Variants in PCDHGA9 observed in about 807,000 individuals in gnomAD.
PCDHGA9 encodes protocadherin gamma subfamily A, 9.
Under a neutral mutation model 62.5 loss-of-function variants are expected in PCDHGA9, and 37 were observed. That is an observed-to-expected ratio of 0.59 (90% CI 0.46 to 0.78). The LOEUF (loss-of-function observed/expected upper bound fraction) is 0.78, where lower values mean the gene tolerates loss of function less well. PCDHGA9 is among the 30% of genes least tolerant of loss of function. The pLI is 0.00. For synonymous variants in PCDHGA9, 459 were observed against 484.6 expected (o/e 0.95, Z 0.69); for missense variants, 1,138 against 1,166.2 (o/e 0.98, Z 0.35).
chr5:141,456,641 G>A (rs2098873674), intron 1 of PCDHGA9, among the ~76,000 whole-genome samples: 1 of 152,160 alleles, frequency 6.6e-6, no homozygotes, highest in South Asian at 2.1e-4. Context: ...TACTACAGGT[G>A]TTAATCCCAA....
chr5:141,433,358 C>CCCATCTAT (rs1554125967), intron 1 of PCDHGA9: 6 of 503,934 alleles, frequency 1.2e-5, no homozygotes, highest in Admixed American at 3.6e-5. Context: ...CTACTGTCTG[C>CCCATCTAT]CTATCTATCT....
chr5:141,427,425 AC>A (rs1184817093), intron 1 of PCDHGA9: 2 of 469,034 alleles, frequency 4.3e-6, no homozygotes, highest in Non-Finnish European at 8.5e-6. Flanking sequence ...TGGGGAGGTT[AC>A]ATGCCTCATA....
rs781433913 is a variant in PCDHGA9, at chr5:141,404,142, C to CAGA, written c.1197_1199dup (p.Glu399dup). Reference sequence around the variant, plus strand: ...AATCTATCTTTTACATTAGAAAATTCAGAAGAAGATTATTACAGATTGTTG... The same window carrying CAGA: ...AATCTATCTTTTACATTAGAAAATTCAGAAGAAGAAGATTATTACAGATTGTTG... On this transcript the variant is annotated inframe_insertion, in exon 1 of 4. Coordinates refer to ENST00000573521, the MANE Select transcript of PCDHGA9 (RefSeq NM_018921.3). 5.6e-6 allele frequency: 9 copies of CAGA among 1,612,668 alleles called. No individual in the cohort carries two copies. The highest frequency in any genetic ancestry group is 6.8e-6 in the Non-Finnish European group (8 of 1,179,264).
chr5:141,494,386 T>G (rs2099753905), intron 1 of PCDHGA9, among the ~76,000 whole-genome samples: 1 of 152,198 alleles, frequency 6.6e-6, no homozygotes, highest in African/African-American at 2.4e-5. Context: ...GCTGAGGAGT[T>G]GAATAAATTC....
At chr5:141,461,007 A>G (rs965754689) in intron 1 of PCDHGA9, among the ~76,000 whole-genome samples, 1 of 151,418 alleles carries the variant, frequency 6.6e-6, no homozygotes, top group Non-Finnish European at 1.5e-5. Flanking sequence ...GTGTATATAT[A>G]TATACCACAT....
At chr5:141,506,955 C>G (rs1387377785) in intron 3 of PCDHGA9, 1 of 152,244 alleles carries the variant, frequency 6.6e-6, no homozygotes, top group Non-Finnish European at 1.5e-5. Context: ...AATGAATCCT[C>G]TCAATAGCTC....
chr5:141,461,591 C>T (rs1368759571), intron 1 of PCDHGA9, among the ~76,000 whole-genome samples: 1 of 152,088 alleles, frequency 6.6e-6, no homozygotes, highest in Non-Finnish European at 1.5e-5. Flanking sequence ...GTTATATTTC[C>T]ATTATAATTT....
chr5:141,443,848 G>A lies in PCDHGA9; in HGVS notation c.2424+38472G>A, dbSNP rs528933391. 2.6e-5 allele frequency among the ~76,000 whole-genome samples: 4 copies of A among 152,272 alleles called. No individual in the cohort carries two copies. The South Asian group carries it at 8.3e-4, about 32-fold the overall frequency. ...TTAGGTAAAATGGGTAATATGGAAA[G>A]TCTGAAAACTGAAAAAATTACTGAT... On this transcript the variant is annotated intron_variant, in intron 1 of 3. Transcript: ENST00000573521.
Position 141,402,999 on chromosome 5 carries a change from T to TATG in PCDHGA9, c.48_50dup (p.Leu16_Cys17insTer). ...CAGCTCCGCGGAAGATTAGTCCTGC[T>TATG]ATGCTCGCTCCTGGGGATGCTATGG... On this transcript the variant is annotated stop_gained and inframe_insertion, in exon 1 of 4. Coordinates refer to ENST00000573521, the MANE Select transcript of PCDHGA9 (RefSeq NM_018921.3). LOFTEE classifies it high-confidence loss of function. 1 of 1,613,984 alleles carries TATG rather than the reference T, an allele frequency of 6.2e-7. No individual in the cohort carries two copies. The highest frequency in any genetic ancestry group is 8.5e-7 in the Non-Finnish European group (1 of 1,179,874).
At chr5:141,444,471 G>A (rs929365899) in intron 1 of PCDHGA9, among the ~76,000 whole-genome samples, 1 of 151,876 alleles carries the variant, frequency 6.6e-6, no homozygotes, top group Non-Finnish European at 1.5e-5. Flanking sequence ...GCGCCCGGTC[G>A]CGTACTGGAT....
chr5:141,468,920 A>G (rs2099185605), intron 1 of PCDHGA9, among the ~76,000 whole-genome samples: 1 of 151,612 alleles, frequency 6.6e-6, no homozygotes, highest in South Asian at 2.1e-4. Context: ...AGAAGAGAAT[A>G]GCACTAAAAT....
chr5:141,439,056 T>C (rs2098084461), intron 1 of PCDHGA9, among the ~76,000 whole-genome samples: 1 of 151,260 alleles, frequency 6.6e-6, no homozygotes, highest in Non-Finnish European at 1.5e-5. Flanking sequence ...TTCCATATTG[T>C]GTGGCAGGCG....
rs2094445702 is a variant in PCDHGA9 at position 141,403,713 on chromosome 5, A to G, written c.761A>G (p.Asn254Ser). 2.5e-6 allele frequency: 4 copies of G among 1,613,946 alleles called. No homozygotes were observed. The highest frequency in any genetic ancestry group is 2.5e-6 in the Non-Finnish European group (3 of 1,179,892). The change falls in exon 1 of 4, where the codon AAC becomes AGC. Residue 254 changes from asparagine (N) to serine (S), a missense_variant. Coordinates refer to ENST00000573521, the MANE Select transcript of PCDHGA9 (RefSeq NM_018921.3). ...QRIYRVKVLE[N>S]VPPGTWLLTA... ...ATTTACCGAGTTAAAGTCCTTGAGA[A>G]CGTGCCCCCAGGCACCTGGCTGCTT...
chr5:141,407,807 T>G (rs916388568), intron 1 of PCDHGA9, among the ~76,000 whole-genome samples: 1 of 152,202 alleles, frequency 6.6e-6, no homozygotes, highest in African/African-American at 2.4e-5. Context: ...CATAGAAATA[T>G]CTACTATAAT....
rs1458508114 is a variant in PCDHGA9, at chr5:141,489,523, C to T, written c.2425-5284C>T. ...GAATCAAAAGATTGACCGAGAAAGC[C>T]TATGTGGAGCCAGCACCAGCTGCCT... On this transcript the variant is annotated intron_variant, in intron 1 of 3. Transcript: ENST00000573521. This position sits in a 1 kb window ranked among gnomAD's most constrained non-coding sequence, Gnocchi z 4.5. The T allele has an allele frequency of 3.5e-5, 56 of 1,614,006 alleles. No homozygotes were observed. The highest frequency in any genetic ancestry group is 4.5e-5 in the Non-Finnish European group (53 of 1,180,044).
At chr5:141,406,011 G>A (rs1380278745) in intron 1 of PCDHGA9, among the ~76,000 whole-genome samples, 7 of 151,702 alleles carry the variant, frequency 4.6e-5, no homozygotes, top group African/African-American at 1.7e-4. Context: ...CATTGATGTG[G>A]GCTTTTTGGG....
intron 1 of PCDHGA9, chr5:141,421,722 G>C: frequency 6.2e-7 from 1 of 1,613,972 alleles, no homozygotes; most frequent in Non-Finnish European, 8.5e-7. Flanking sequence ...ATGTGGGCGT[G>C]AACTCCCTCC....
At position 141,402,949 on chromosome 5, in the gene PCDHGA9, A is replaced by C; in HGVS notation, c.-4A>C. ...TTTTGAGAAAATTCCAAAGCGAGGC[A>C]GCAATGGCAGCTCCAACCAAATGCC... On this transcript the variant is annotated 5_prime_UTR_variant, in exon 1 of 4. Transcript: ENST00000573521. 1.3e-6 allele frequency: 2 copies of C among 1,594,986 alleles called. No individual in the cohort carries two copies. Among genetic ancestry groups the C allele is most frequent in the South Asian group, 1.1e-5 (1 of 89,076 alleles).
Position 141,511,029 on chromosome 5 carries a change from G to A in PCDHGA9, c.2655G>A (p.Leu885=), listed in dbSNP as rs1372346241. The part of the protein sequence containing the change: ...LSARYGPQFT[L]QHVPDYRQNV... ...CCCGCTACGGACCCCAGTTCACCCT[G>A]CAGCACGTGCCCGACTACCGCCAGA... The change falls in exon 4 of 4, where the codon CTG becomes CTA. Residue 885 remains leucine, a synonymous_variant. Transcript: ENST00000573521. 6.2e-7 allele frequency: 1 copy of A among 1,614,078 alleles called. No individual in the cohort carries two copies. Among genetic ancestry groups the A allele is most frequent in the Non-Finnish European group, 8.5e-7 (1 of 1,180,032 alleles).
Sources: allele counts gnomAD v4.1 joint callset (sites outside exome capture counted in the v4.1 genomes callset), GRCh38; gene constraint gnomAD v4.1.1; non-coding constraint Gnocchi (gnomAD v3.1); transcripts MANE v1.5; gene names NCBI Gene and HGNC (gene_info 2026-07-23, HGNC 2026-07-21).